DNAH14: variants seen among roughly 807,000 people sequenced by gnomAD.
DNAH14 encodes axonemal beta dynein heavy chain 14.
DNAH14 carries 478 observed loss-of-function variants against 520.9 expected under a neutral mutation model. That is an observed-to-expected ratio of 0.92 (90% CI 0.85 to 0.99). The LOEUF is 0.99. Ranked by LOEUF, DNAH14 falls within the 50% of genes least tolerant of loss-of-function variation. The probability of loss-of-function intolerance (pLI) is 0.00; values close to 1 mark genes in which losing one functional copy is unlikely to be tolerated. For missense variants in DNAH14, 4,831 were observed against 5,234.5 expected (o/e 0.92, Z 2.38); for synonymous variants, 1,581 against 1,757.2 (o/e 0.90, Z 2.51).
chr1:225,366,618 G>A (rs2095555999), intron 76 of DNAH14, among the ~76,000 whole-genome samples: 1 of 152,186 alleles, frequency 6.6e-6, no homozygotes, highest in Non-Finnish European at 1.5e-5. Context: ...ATGTTTGAAA[G>A]GCAGACATGC....
At chr1:225,024,119 C>A in intron 11 of DNAH14, 1 of 1,038,386 alleles carries the variant, frequency 9.6e-7, no homozygotes. Context: ...TCAAGTATTA[C>A]CTATGTTAAA....
At chr1:224,953,247 C>T (rs553511884) in intron 2 of DNAH14, among the ~76,000 whole-genome samples, 23 of 151,936 alleles carry the variant, frequency 1.5e-4, no homozygotes, top group Admixed American at 2.6e-4. Context: ...CTCAGCCCCC[C>T]GAGTAGCTGG....
At chr1:225,214,785 T>C (rs2089040066) in intron 41 of DNAH14, among the ~76,000 whole-genome samples, 1 of 152,158 alleles carries the variant, frequency 6.6e-6, no homozygotes, top group South Asian at 2.1e-4. Context: ...GCATCTATTT[T>C]ATTCTTATCT....
At chr1:225,195,436 T>C (rs940347406) in intron 38 of DNAH14, among the ~76,000 whole-genome samples, 15 of 152,136 alleles carry the variant, frequency 9.9e-5, no homozygotes, top group African/African-American at 3.6e-4. Flanking sequence ...TTTTTGCTTA[T>C]AAATGAGAGC....
intron 21 of DNAH14, among the ~76,000 whole-genome samples, chr1:225,086,131 A>T (rs1847910): frequency 0.4 from 59,117 of 147,564 alleles, 14,026 homozygotes; most frequent in Middle Eastern, 0.55. Flanking sequence ...TAATAATAAT[A>T]ATTATTATTA....
Position 225,165,277 on chromosome 1 carries a change from C to T in DNAH14, c.5446-2662C>T, listed in dbSNP as rs1242301962. 5.3e-5 allele frequency among the ~76,000 whole-genome samples: 8 copies of T among 152,100 alleles called. No homozygotes were observed. The East Asian group carries it at 1.5e-3, about 29-fold the overall frequency. ...TGTATCTACTCTTTCTCTTCGTATG[C>T]CCTTAAAATTTTCACTTTGCCTTTA... On this transcript the variant is annotated intron_variant, in intron 35 of 85. Transcript: ENST00000682510.
intron 27 of DNAH14, among the ~76,000 whole-genome samples, chr1:225,124,332 G>A (rs767919312): frequency 1.3e-5 from 2 of 152,154 alleles, no homozygotes; most frequent in African/African-American, 4.8e-5. Flanking sequence ...TTTCTTTGTA[G>A]CGTGCGATGC....
intron 23 of DNAH14, among the ~76,000 whole-genome samples, chr1:225,107,959 A>G (rs1212968307): frequency 6.6e-6 from 1 of 152,206 alleles, no homozygotes; most frequent in Non-Finnish European, 1.5e-5. Flanking sequence ...TTACTGGATT[A>G]AAGGATGCAA....
intron 23 of DNAH14, among the ~76,000 whole-genome samples, chr1:225,106,217 T>C (rs1344932909): frequency 6.6e-6 from 1 of 151,742 alleles, no homozygotes; most frequent in Non-Finnish European, 1.5e-5. Flanking sequence ...GCCCCCACTC[T>C]CTTCTGGCTT....
chr1:225,340,467 T>C lies in DNAH14; in HGVS notation c.10444T>C (p.Ser3482Pro). The change falls in exon 69 of 86, where the codon TCT (serine) becomes CCT (proline). Residue 3482 changes from serine (S) to proline (P), a missense_variant. By Grantham distance (74) the Ser-to-Pro change is moderately conservative (BLOSUM62 -1). Coordinates refer to ENST00000682510, the MANE Select transcript of DNAH14 (RefSeq NM_001367479.1). ...EYNSNFRLYL[S>P]TEIDNPHFLP... ...CTTTCTCATGTTCAGGTTATACTTA[T>C]CTACAGAAATAGACAACCCCCATTT... is the stretch of plus-strand genomic sequence containing the variant. 3 of 1,550,440 alleles carry C rather than the reference T, an allele frequency of 1.9e-6. No individual in the cohort carries two copies. Among genetic ancestry groups the C allele is most frequent in the Non-Finnish European group, 2.6e-6 (3 of 1,146,064 alleles).
chr1:225,041,995 C>T (rs2067521835), intron 12 of DNAH14, among the ~76,000 whole-genome samples: 1 of 152,164 alleles, frequency 6.6e-6, no homozygotes, highest in Non-Finnish European at 1.5e-5. Context: ...ATTTCTACAG[C>T]TTTTCCATCA....
At chr1:225,248,603 C>A (rs748232470) in intron 43 of DNAH14, among the ~76,000 whole-genome samples, 5 of 151,834 alleles carry the variant, frequency 3.3e-5, no homozygotes, top group Non-Finnish European at 1.5e-5. Flanking sequence ...GAGTATATAC[C>A]CAGGTCAGTA....
chr1:224,992,215 C>G (rs796887994), intron 8 of DNAH14, among the ~76,000 whole-genome samples: 7 of 152,132 alleles, frequency 4.6e-5, no homozygotes, highest in African/African-American at 1.7e-4. Context: ...ATTGCCTTGA[C>G]TATTCAAGGT....
intron 50 of DNAH14, among the ~76,000 whole-genome samples, chr1:225,271,616 C>T (rs2093317525): frequency 6.6e-6 from 1 of 152,148 alleles, no homozygotes; most frequent in Admixed American, 6.5e-5. Context: ...ATTCCCAGCA[C>T]ACCTGGTATA....
At chr1:225,230,790 A>G (rs2091030060) in intron 41 of DNAH14, among the ~76,000 whole-genome samples, 1 of 152,170 alleles carries the variant, frequency 6.6e-6, no homozygotes, top group African/African-American at 2.4e-5. Context: ...ACATTTTGGA[A>G]CAATCAGTCT....
chr1:225,061,859 C>T (rs1222928429), intron 17 of DNAH14, among the ~76,000 whole-genome samples: 1 of 152,108 alleles, frequency 6.6e-6, no homozygotes, highest in Non-Finnish European at 1.5e-5. Context: ...ATCCATTTAG[C>T]TATATAGACA....
rs1251625161 is a variant in DNAH14, at chr1:225,079,275, TA to T, written c.2494del (p.Ile832PhefsTer3). The stretch of plus-strand genomic sequence containing the variant: ...AAATAGAAGAATTTCTGGAGCATTT[TA>T]TTTTTTTGAATGCAATTTCCTCAAA... ...TEIEEFLEHF[I>X]FLNAISSKIS... is the part of the protein sequence containing the mutation. On this transcript the variant is annotated frameshift_variant, in exon 18 of 86. Coordinates refer to ENST00000682510, the MANE Select transcript of DNAH14 (RefSeq NM_001367479.1). LOFTEE classifies it high-confidence loss of function. 3.2e-6 allele frequency: 5 copies of T among 1,549,208 alleles called. No homozygotes were observed. Among genetic ancestry groups the T allele is most frequent in the African/African-American group, 1.4e-5 (1 of 72,850 alleles).
intron 41 of DNAH14, among the ~76,000 whole-genome samples, chr1:225,213,449 G>C (rs2088775820): frequency 6.6e-6 from 1 of 152,080 alleles, no homozygotes; most frequent in Non-Finnish European, 1.5e-5. Context: ...TGAAGAAAGT[G>C]ATTGGTAGCT....
At chr1:225,392,646 A>G (rs1048717310) in intron 84 of DNAH14, among the ~76,000 whole-genome samples, 195 bp downstream of exon 84, 3 of 152,234 alleles carry the variant, frequency 2.0e-5, no homozygotes, top group African/African-American at 7.2e-5. Context: ...TGGGGGGGAT[A>G]AAAGATCATA....
Sources: gnomAD v4.1 joint callset for allele counts (sites outside exome capture counted in the v4.1 genomes callset) on GRCh38, gnomAD v4.1.1 for gene constraint, MANE v1.5 for transcripts, NCBI Gene and HGNC (gene_info 2026-07-23, HGNC 2026-07-21) for gene names.